The following CTNND2 variants were observed in gnomAD, a reference collection of about 807,000 sequenced individuals.
The protein encoded by CTNND2 is catenin delta 2, also known as catenin delta-2.
In CTNND2, 22 loss-of-function variants were observed where a neutral mutation model predicts 144.4. That is an observed-to-expected ratio of 0.15 (90% CI 0.11 to 0.22). The LOEUF (loss-of-function observed/expected upper bound fraction) is 0.22, where lower values mean the gene tolerates loss of function less well. Among genes scored for constraint, CTNND2 ranks in the 10% least tolerant of loss-of-function variants. CTNND2 has a pLI of 1.00. For synonymous variants in CTNND2, 751 were observed against 695.6 expected (o/e 1.08, Z -1.25); for missense variants, 1,353 against 1,618.8 (o/e 0.84, Z 2.82).
At chr5:11,750,562 A>G (rs888618183) in intron 1 of CTNND2, among the ~76,000 whole-genome samples, 4 of 151,920 alleles carry the variant, frequency 2.6e-5, no homozygotes, top group African/African-American at 9.7e-5. Flanking sequence ...ATGATAGTCT[A>G]AATTTCTCTT....
At chr5:11,401,332 G>A (rs16901577) in intron 5 of CTNND2, among the ~76,000 whole-genome samples, 8,715 of 152,220 alleles carry the variant, frequency 0.057, 572 homozygotes, top group African/African-American at 0.15. Context: ...ATTTGCCTGC[G>A]TTAGCTGAAC....
chr5:11,210,680 C>T (rs1389025850), intron 10 of CTNND2, among the ~76,000 whole-genome samples: 1 of 152,122 alleles, frequency 6.6e-6, no homozygotes, highest in Non-Finnish European at 1.5e-5. Context: ...AAAACACACA[C>T]CCCAAAAGGT....
chr5:11,631,568 T>C (rs1280174709), intron 2 of CTNND2, among the ~76,000 whole-genome samples: 3 of 152,140 alleles, frequency 2.0e-5, no homozygotes, highest in Admixed American at 2.0e-4. Context: ...CAGGGCTCAC[T>C]CGCTCACCAC....
At chr5:11,620,234 C>T (rs750036828) in intron 2 of CTNND2, among the ~76,000 whole-genome samples, 1 of 152,080 alleles carries the variant, frequency 6.6e-6, no homozygotes, top group Non-Finnish European at 1.5e-5. Flanking sequence ...CAGCTCCTGC[C>T]AGTGCTTGTG....
rs146101808 is a variant in CTNND2, at chr5:11,268,676, T to C, written c.1629-31853A>G. On this transcript the variant is annotated intron_variant, in intron 9 of 21. Transcript: ENST00000304623. ...AAAGTACTATCACACTATAATGGTG[T>C]AATGGATTAAAAAATGATGTAATGA... Among the ~76,000 whole-genome samples the C allele has an allele frequency of 4.5e-3, 682 of 152,240 alleles. 1 individual carries two copies. Among genetic ancestry groups the C allele is most frequent in the Non-Finnish European group, 4.4e-3 (297 of 68,018 alleles).
intron 1 of CTNND2, among the ~76,000 whole-genome samples, chr5:11,735,678 T>A (rs1467721236): frequency 6.6e-6 from 1 of 152,096 alleles, no homozygotes; most frequent in Non-Finnish European, 1.5e-5. Flanking sequence ...ATAAGTCTAA[T>A]GAGATCTGAT....
At chr5:11,004,690 T>C (rs762967696) in intron 18 of CTNND2, among the ~76,000 whole-genome samples, 4 of 151,292 alleles carry the variant, frequency 2.6e-5, no homozygotes, top group Admixed American at 6.6e-5. Context: ...TTGAACTGTT[T>C]CGTTTTTGCA....
Position 11,366,824 on chromosome 5 carries a change from G to A in CTNND2, c.1178-1934C>T, listed in dbSNP as rs1467430299. Among the ~76,000 whole-genome samples, 8 of 152,144 alleles carry A rather than the reference G, an allele frequency of 5.3e-5. No individual in the cohort carries two copies. In the East Asian group the frequency reaches 1.3e-3, roughly 26 times the overall value. On this transcript the variant is annotated intron_variant, in intron 7 of 21. Transcript: ENST00000304623. ...CCAATGATGACCAATGAGAGGATCT[G>A]CTGAACTTTTAAGTGGTAACATGGT...
At chr5:11,457,691 G>T (rs1765855013) in intron 3 of CTNND2, among the ~76,000 whole-genome samples, 1 of 152,096 alleles carries the variant, frequency 6.6e-6, no homozygotes, top group Non-Finnish European at 1.5e-5. Context: ...AGGCATTTTT[G>T]GCCATCTCTC....
chr5:11,299,563 C>T (rs1485496966), intron 9 of CTNND2, among the ~76,000 whole-genome samples: 1 of 152,180 alleles, frequency 6.6e-6, no homozygotes. Context: ...TCTATTCTAT[C>T]GCTCATCACC....
intron 1 of CTNND2, among the ~76,000 whole-genome samples, chr5:11,849,774 A>C (rs1043520661): frequency 1.3e-5 from 2 of 152,234 alleles, no homozygotes; most frequent in African/African-American, 4.8e-5. Context: ...AAGAACAGGC[A>C]GTCTTACACT....
intron 16 of CTNND2, among the ~76,000 whole-genome samples, chr5:11,048,903 G>A (rs1745553436): frequency 6.6e-6 from 1 of 152,210 alleles, no homozygotes; most frequent in South Asian, 2.1e-4. Flanking sequence ...GCTGGACCAT[G>A]CTGTGTTGTG....
rs1399520165 is a variant in CTNND2 at position 10,988,095 on chromosome 5, C to T, written c.3343+16G>A. 3.7e-6 allele frequency: 6 copies of T among 1,613,766 alleles called. No homozygotes were observed. The highest frequency in any genetic ancestry group is 2.7e-5 in the African/African-American group (2 of 75,026). ...AGCCACCAAGTTCCAGGAGGGGGCG[C>T]GCGAGGGGCGCTCACCTGTCATGGC... On this transcript the variant is annotated intron_variant, in intron 20 of 21. Transcript: ENST00000304623. This position sits in a 1 kb window ranked among gnomAD's most constrained non-coding sequence, Gnocchi z 5.9.
chr5:11,019,401 A>C (rs531504307), intron 17 of CTNND2, among the ~76,000 whole-genome samples: 1 of 152,348 alleles, frequency 6.6e-6, no homozygotes, highest in African/African-American at 2.4e-5. Context: ...ATTAATATTC[A>C]GGTCGTGATA....
intron 1 of CTNND2, among the ~76,000 whole-genome samples, chr5:11,742,159 TTATG>T (rs1484296221): frequency 6.6e-6 from 1 of 152,060 alleles, no homozygotes. Flanking sequence ...AAGAACTTAC[TTATG>T]TAACCAACCA....
intron 3 of CTNND2, among the ~76,000 whole-genome samples, chr5:11,462,067 G>A (rs575828977): frequency 1.3e-5 from 2 of 152,052 alleles, no homozygotes; most frequent in South Asian, 4.2e-4. Flanking sequence ...GTGGTTTCAG[G>A]GCCTCCACAG....
intron 8 of CTNND2, among the ~76,000 whole-genome samples, chr5:11,353,698 G>A (rs1053789865): frequency 2.0e-5 from 3 of 151,958 alleles, no homozygotes; most frequent in Admixed American, 2.0e-4. Context: ...AGCTACTTGG[G>A]AAGCTGAGGT....
chr5:11,549,288 G>A (rs976138905), intron 3 of CTNND2, among the ~76,000 whole-genome samples: 4 of 152,040 alleles, frequency 2.6e-5, no homozygotes, highest in Admixed American at 1.3e-4. Flanking sequence ...CATTATATAC[G>A]GTGTCTGCAA....
At chr5:11,815,600 A>G (rs141264038) in intron 1 of CTNND2, among the ~76,000 whole-genome samples, 2 of 152,266 alleles carry the variant, frequency 1.3e-5, no homozygotes, top group East Asian at 1.9e-4. Flanking sequence ...ACTACTACAC[A>G]CTGTTGCACA....
Sources: allele counts gnomAD v4.1 joint callset (sites outside exome capture counted in the v4.1 genomes callset), GRCh38; gene constraint gnomAD v4.1.1; non-coding constraint Gnocchi (gnomAD v3.1); transcripts MANE v1.5; gene names NCBI Gene and HGNC (gene_info 2026-07-23, HGNC 2026-07-21).